C12orf54: variants seen among roughly 807,000 people sequenced by gnomAD.
C12orf54 encodes uncharacterized protein C12orf54.
A neutral mutation model predicts 26.4 loss-of-function variants in C12orf54; 24 were observed. That is an observed-to-expected ratio of 0.91 (90% CI 0.66 to 1.28). The LOEUF is 1.28. Among genes scored for constraint, C12orf54 ranks in the 50% most tolerant of loss-of-function variants. The pLI is 0.00. For synonymous variants in C12orf54, 54 were observed against 47.0 expected (o/e 1.15, Z -0.61); for missense variants, 154 against 150.9 (o/e 1.02, Z -0.11).
At chr12:48,430,600 C>A in the C12orf54 span, among the ~76,000 whole-genome samples, 1 of 152,090 alleles carries the variant, frequency 6.6e-6, no homozygotes, top group African/African-American at 2.4e-5. Context: ...CAATGTGATG[C>A]CACCTTACTC....
At chr12:48,418,275 A>G in the C12orf54 span, among the ~76,000 whole-genome samples, 1 of 152,164 alleles carries the variant, frequency 6.6e-6, no homozygotes, top group African/African-American at 2.4e-5. Context: ...GACATTCTCT[A>G]TTTACTGCCT....
chr12:48,469,973 C>A, the C12orf54 span, among the ~76,000 whole-genome samples: 1 of 152,264 alleles, frequency 6.6e-6, no homozygotes, highest in African/African-American at 2.4e-5. Flanking sequence ...CATTAATTTC[C>A]TTAGGATTAT....
chr12:48,475,808 T>C, the C12orf54 span, among the ~76,000 whole-genome samples: 1 of 152,206 alleles, frequency 6.6e-6, no homozygotes, highest in African/African-American at 2.4e-5. Context: ...TGGAACCAAG[T>C]TGGAAAACAC....
At chr12:48,422,118 G>C in the C12orf54 span, among the ~76,000 whole-genome samples, 1 of 152,090 alleles carries the variant, frequency 6.6e-6, no homozygotes, top group Non-Finnish European at 1.5e-5. Flanking sequence ...AATAATAATT[G>C]TAAGAAGGGT....
chr12:48,495,852 C>A (rs1002546987), intron 8 of C12orf54, among the ~76,000 whole-genome samples: 1 of 151,996 alleles, frequency 6.6e-6, no homozygotes, highest in Non-Finnish European at 1.5e-5. Context: ...TTATATTTTG[C>A]TGAATGTAAT....
At chr12:48,473,200 A>G in the C12orf54 span, 5 of 1,310,576 alleles carry the variant, frequency 3.8e-6, no homozygotes, top group African/African-American at 1.5e-5. Flanking sequence ...GAGGAGGAGT[A>G]TGATGAAGAT....
chr12:48,492,951 G>A lies in C12orf54; in HGVS notation c.198G>A (p.Met66Ile), dbSNP rs755348383. The part of the protein sequence containing the change: ...ELQEDARIRG[M>I]SNCSMTPMTS... ...TCTTCTCTGTGTCCACTTTAGGGAT[G>A]AGCAACTGCTCCATGACACCCATGA... is the stretch of plus-strand genomic sequence containing the variant. The change falls in exon 7 of 9, where the codon ATG (methionine) becomes ATA (isoleucine). Residue 66 changes from methionine (M) to isoleucine (I), a missense_variant. Transcript: ENST00000548364. 3 of 1,613,882 alleles carry A rather than the reference G, an allele frequency of 1.9e-6. No individual in the cohort carries two copies. The highest frequency in any genetic ancestry group is 2.5e-6 in the Non-Finnish European group (3 of 1,179,886).
At chr12:48,436,630 C>T in the C12orf54 span, among the ~76,000 whole-genome samples, 1 of 152,164 alleles carries the variant, frequency 6.6e-6, no homozygotes, top group Non-Finnish European at 1.5e-5. Flanking sequence ...TACATGGAAA[C>T]TGAACAACCT....
the C12orf54 span, among the ~76,000 whole-genome samples, chr12:48,439,636 C>G: frequency 6.6e-6 from 1 of 152,114 alleles, no homozygotes; most frequent in Non-Finnish European, 1.5e-5. Flanking sequence ...TCTCAGCAAA[C>G]TATTGCAAGG....
the C12orf54 span, among the ~76,000 whole-genome samples, chr12:48,428,690 G>A: frequency 1.3e-5 from 2 of 151,826 alleles, no homozygotes; most frequent in East Asian, 3.9e-4. Flanking sequence ...AATTACCAAC[G>A]AAAAATAGTC....
the C12orf54 span, among the ~76,000 whole-genome samples, chr12:48,470,691 T>G: frequency 6.6e-6 from 1 of 152,188 alleles, no homozygotes; most frequent in Non-Finnish European, 1.5e-5. Flanking sequence ...CCATTTTTTT[T>G]TGTTTTTGTT....
the C12orf54 span, among the ~76,000 whole-genome samples, chr12:48,470,683 A>T: frequency 4.6e-5 from 7 of 150,782 alleles, no homozygotes; most frequent in Non-Finnish European, 8.9e-5. Context: ...CCACTGGTCC[A>T]TTTTTTTTTG....
At chr12:48,437,892 G>T in the C12orf54 span, among the ~76,000 whole-genome samples, 1 of 152,136 alleles carries the variant, frequency 6.6e-6, no homozygotes, top group Non-Finnish European at 1.5e-5. Context: ...AGTGTTGGAA[G>T]TTCTGGCCAG....
At chr12:48,485,613 G>T (rs1405388288) in intron 2 of C12orf54, among the ~76,000 whole-genome samples, 1 of 152,102 alleles carries the variant, frequency 6.6e-6, no homozygotes, top group Non-Finnish European at 1.5e-5. Flanking sequence ...TGTATACACT[G>T]CCTCCTAGGT....
the C12orf54 span, among the ~76,000 whole-genome samples, chr12:48,464,198 C>T: frequency 6.6e-6 from 1 of 152,018 alleles, no homozygotes; most frequent in African/African-American, 2.4e-5. Context: ...GGCCCAAAAG[C>T]TCCTTCAGCT....
the C12orf54 span, among the ~76,000 whole-genome samples, chr12:48,468,738 T>C: frequency 7.2e-5 from 11 of 152,248 alleles, no homozygotes; most frequent in African/African-American, 2.4e-4. Flanking sequence ...ACCCAATAGG[T>C]AGTTTTCCAG....
the C12orf54 span, among the ~76,000 whole-genome samples, chr12:48,448,172 T>C: frequency 6.6e-6 from 1 of 152,182 alleles, no homozygotes; most frequent in South Asian, 2.1e-4. Flanking sequence ...AGAGAAACCA[T>C]GTAAGCCACT....
At chr12:48,435,450 A>T in the C12orf54 span, among the ~76,000 whole-genome samples, 2 of 152,232 alleles carry the variant, frequency 1.3e-5, no homozygotes, top group Non-Finnish European at 2.9e-5. Flanking sequence ...ACTCCAAGAC[A>T]TATAATTGTC....
the C12orf54 span, among the ~76,000 whole-genome samples, chr12:48,415,553 A>G: frequency 2.0e-5 from 3 of 151,674 alleles, no homozygotes; most frequent in African/African-American, 4.8e-5. Context: ...TGTGATACAA[A>G]AATTTTATGA....
Sources: gnomAD v4.1 joint callset for allele counts (sites outside exome capture counted in the v4.1 genomes callset) on GRCh38, gnomAD v4.1.1 for gene constraint, MANE v1.5 for transcripts, NCBI Gene and HGNC (gene_info 2026-07-23, HGNC 2026-07-21) for gene names.